TSHZ2: variants seen among roughly 807,000 people sequenced by gnomAD.
TSHZ2 encodes teashirt homolog 2.
Under a neutral mutation model 74.4 loss-of-function variants are expected in TSHZ2, and 21 were observed. That is an observed-to-expected ratio of 0.28 (90% confidence interval 0.20 to 0.41). TSHZ2 has a LOEUF of 0.41. Ranked by LOEUF, TSHZ2 falls within the 10% of genes least tolerant of loss-of-function variation. The pLI is 1.00. For synonymous variants in TSHZ2, 540 were observed against 515.3 expected, an observed-to-expected ratio of 1.05 and a Z score of -0.65; for missense variants, 1,244 against 1,293.5, an observed-to-expected ratio of 0.96 and a Z score of 0.59.
intron 1 of TSHZ2, among the ~76,000 whole-genome samples, chr20:53,177,892 G>T (rs1454968091): frequency 6.6e-6 from 1 of 152,120 alleles, no homozygotes; most frequent in African/African-American, 2.4e-5. Flanking sequence ...TTCCTCATCT[G>T]TAAAATGGGG....
intron 1 of TSHZ2, among the ~76,000 whole-genome samples, chr20:53,058,536 G>C (rs1245045783): frequency 5.9e-5 from 9 of 152,178 alleles, no homozygotes; most frequent in Admixed American, 5.9e-4. Context: ...ATGGGGCCCT[G>C]TCTGACAGCA....
chr20:53,059,608 G>A (rs1046411300), intron 1 of TSHZ2, among the ~76,000 whole-genome samples: 5 of 152,146 alleles, frequency 3.3e-5, no homozygotes, highest in African/African-American at 1.2e-4. Flanking sequence ...TAGGGATAAT[G>A]TAATGAAAAT....
intron 1 of TSHZ2, among the ~76,000 whole-genome samples, chr20:53,173,831 G>T (rs190312655): frequency 2.2e-3 from 330 of 152,260 alleles, no homozygotes; most frequent in Non-Finnish European, 3.1e-3. Flanking sequence ...GGGGGTTGGG[G>T]CTGCCAGGAA....
intron 1 of TSHZ2, among the ~76,000 whole-genome samples, chr20:53,006,473 A>G (rs978818379): frequency 6.6e-6 from 1 of 152,166 alleles, no homozygotes; most frequent in Admixed American, 6.6e-5. Flanking sequence ...GATAAACTGA[A>G]CACTAGCCAA....
At chr20:53,190,732 T>A (rs1371694699) in intron 1 of TSHZ2, among the ~76,000 whole-genome samples, 1 of 152,118 alleles carries the variant, frequency 6.6e-6, no homozygotes, top group Non-Finnish European at 1.5e-5. Flanking sequence ...CATAAAAGCT[T>A]CCAGGTAGCT....
At chr20:53,086,910 G>C (rs918918111) in intron 1 of TSHZ2, among the ~76,000 whole-genome samples, 4 of 152,198 alleles carry the variant, frequency 2.6e-5, no homozygotes, top group African/African-American at 7.2e-5. Flanking sequence ...ATATTAGCTA[G>C]CTGGCATGTT....
intron 2 of TSHZ2, among the ~76,000 whole-genome samples, chr20:53,411,318 A>G (rs1393085001): frequency 6.6e-6 from 1 of 152,094 alleles, no homozygotes; most frequent in Non-Finnish European, 1.5e-5. Flanking sequence ...AAGGGAGAAA[A>G]CTGTGAGCAC....
chr20:53,129,036 T>A (rs879505622), intron 1 of TSHZ2, among the ~76,000 whole-genome samples: 40 of 152,120 alleles, frequency 2.6e-4, no homozygotes, highest in Non-Finnish European at 4.9e-4. Flanking sequence ...GACCCCGTAC[T>A]TACATATCTA....
At chr20:53,460,313 G>A (rs1441425804) in intron 2 of TSHZ2, among the ~76,000 whole-genome samples, 1 of 152,018 alleles carries the variant, frequency 6.6e-6, no homozygotes, top group African/African-American at 2.4e-5. Context: ...TTCCATCGCT[G>A]ATACCCTTTC....
At chr20:53,107,480 A>G (rs1289089325) in intron 1 of TSHZ2, among the ~76,000 whole-genome samples, 1 of 152,170 alleles carries the variant, frequency 6.6e-6, no homozygotes, top group Non-Finnish European at 1.5e-5. Flanking sequence ...TCCTAACCTG[A>G]AGCCTTCTCT....
intron 1 of TSHZ2, among the ~76,000 whole-genome samples, chr20:52,979,673 C>G (rs886835392): frequency 1.3e-5 from 2 of 152,096 alleles, no homozygotes; most frequent in African/African-American, 4.8e-5. Flanking sequence ...GTTGTTGCCT[C>G]CCTCAATTTT....
intron 1 of TSHZ2, among the ~76,000 whole-genome samples, chr20:52,976,795 A>G (rs1981356235): frequency 6.6e-6 from 1 of 152,218 alleles, no homozygotes; most frequent in African/African-American, 2.4e-5. Flanking sequence ...TCTTTTATAT[A>G]TGTAAGTTAT....
At chr20:53,244,729 G>T (rs575035727) in intron 1 of TSHZ2, among the ~76,000 whole-genome samples, 53 of 152,294 alleles carry the variant, frequency 3.5e-4, no homozygotes, top group African/African-American at 1.2e-3. Flanking sequence ...TTCTCAGATG[G>T]TGGGTTGCTT....
rs1988870966 is a variant in TSHZ2, at chr20:53,196,408, TTAGAA to T, written c.41-57088_41-57084del. On this transcript the variant is annotated intron_variant, in intron 1 of 2. Coordinates refer to ENST00000371497, the MANE Select transcript of TSHZ2 (RefSeq NM_173485.6). ...AAAAAAAAAATGTGCTTTCAACAAA[TTAGAA>T]TACGCCACCTAGTGAAGTTCTTAAT... 3 of 143,706 alleles carry T rather than the reference TTAGAA, an allele frequency of 2.1e-5. No homozygotes were observed. In the South Asian group the frequency reaches 7.0e-4, roughly 33 times the overall value. 8.9% of individuals were successfully genotyped at this position (143,706 alleles called of 1,614,324 possible).
At chr20:52,993,445 G>A (rs1371367091) in intron 1 of TSHZ2, among the ~76,000 whole-genome samples, 1 of 152,188 alleles carries the variant, frequency 6.6e-6, no homozygotes, top group African/African-American at 2.4e-5. Context: ...TTTTGTTGTT[G>A]TTATTAAATC....
intron 1 of TSHZ2, among the ~76,000 whole-genome samples, chr20:53,199,237 C>G (rs940318055): frequency 2.0e-5 from 3 of 152,110 alleles, no homozygotes; most frequent in African/African-American, 7.2e-5. Context: ...GTGGCTTGTT[C>G]CTGTAATCCC....
chr20:53,212,268 C>T (rs1013132067), intron 1 of TSHZ2, among the ~76,000 whole-genome samples: 4 of 152,144 alleles, frequency 2.6e-5, no homozygotes, highest in Non-Finnish European at 4.4e-5. Context: ...AACATACTTG[C>T]GGATATTTGA....
intron 1 of TSHZ2, among the ~76,000 whole-genome samples, chr20:52,975,011 G>A (rs1422505126): frequency 3.9e-5 from 6 of 151,980 alleles, no homozygotes; most frequent in East Asian, 1.9e-4. Flanking sequence ...CTTTCCTACC[G>A]TTGTCTCTTT....
At chr20:53,331,576 T>C (rs1170218309) in intron 2 of TSHZ2, among the ~76,000 whole-genome samples, 1 of 151,970 alleles carries the variant, frequency 6.6e-6, no homozygotes, top group Non-Finnish European at 1.5e-5. Flanking sequence ...GAGCCAGGCG[T>C]AGAGAATGGA....
Sources: gnomAD v4.1 joint callset for allele counts (sites outside exome capture counted in the v4.1 genomes callset) on GRCh38, gnomAD v4.1.1 for gene constraint, MANE v1.5 for transcripts, NCBI Gene and HGNC (gene_info 2026-07-23, HGNC 2026-07-21) for gene names.